Variants in HLF observed in about 807,000 individuals in gnomAD.
HLF encodes the protein hepatic leukemia factor.
A neutral mutation model predicts 22.6 loss-of-function variants in HLF; 3 were observed. The ratio of observed to expected loss-of-function variants is 0.13; its 90% confidence interval spans 0.06 to 0.34. The LOEUF (loss-of-function observed/expected upper bound fraction) is 0.34, where lower values mean the gene tolerates loss of function less well. HLF is among the 10% of genes least tolerant of loss of function. HLF has a pLI of 1.00. For synonymous variants in HLF, 151 were observed against 151.8 expected (o/e 0.99, Z 0.04); for missense variants, 299 against 389.2 (o/e 0.77, Z 1.95).
chr17:55,278,592 C>G (rs1439870329), intron 2 of HLF, among the ~76,000 whole-genome samples: 1 of 152,150 alleles, frequency 6.6e-6, no homozygotes, highest in African/African-American at 2.4e-5. Flanking sequence ...CAATGGGAAT[C>G]AATGCAGCAA....
At chr17:55,309,465 G>C (rs963955) in intron 2 of HLF, among the ~76,000 whole-genome samples, 2 of 151,852 alleles carry the variant, frequency 1.3e-5, no homozygotes, top group African/African-American at 4.8e-5. Context: ...TATCATCATC[G>C]AGGGATGCCA....
chr17:55,267,970 G>T lies in HLF; in HGVS notation c.335G>T (p.Gly112Val), dbSNP rs373604103. 1.1e-5 allele frequency: 18 copies of T among 1,614,006 alleles called. No individual in the cohort carries two copies. The African/African-American group carries it at 2.0e-4, about 18-fold the overall frequency. ...CATGACCACAGCCCTCACCCTCCTG[G>T]GCTGCAGCCAGCTTCCTCGGCTGCC... The part of the protein sequence containing the change: ...SQHDHSPHPP[G>V]LQPASSAAPS... Residue 112 changes from glycine (G) to valine (V), a missense_variant, in exon 2 of 4, where the codon GGG becomes GTG. Coordinates refer to ENST00000226067, the MANE Select transcript of HLF (RefSeq NM_002126.5).
intron 2 of HLF, among the ~76,000 whole-genome samples, chr17:55,309,328 G>A (rs1013890292): frequency 6.6e-6 from 1 of 152,116 alleles, no homozygotes; most frequent in African/African-American, 2.4e-5. Flanking sequence ...TGTATATATC[G>A]TGAGCACTCT....
chr17:55,298,211 C>G (rs9904182), intron 2 of HLF, among the ~76,000 whole-genome samples: 1 of 152,124 alleles, frequency 6.6e-6, no homozygotes. Flanking sequence ...GGGAACTACA[C>G]ACTGATTGGG....
At chr17:55,304,509 C>G (rs1468900985) in intron 2 of HLF, among the ~76,000 whole-genome samples, 1 of 152,196 alleles carries the variant, frequency 6.6e-6, no homozygotes, top group Admixed American at 6.5e-5. Context: ...ACACCATAGG[C>G]AAGGAAGCAT....
intron 2 of HLF, among the ~76,000 whole-genome samples, chr17:55,294,959 A>G (rs542861274): frequency 6.6e-6 from 1 of 152,310 alleles, no homozygotes; most frequent in Admixed American, 6.5e-5. Flanking sequence ...AAGCTCATGG[A>G]TGTTTGTTTT....
intron 2 of HLF, among the ~76,000 whole-genome samples, chr17:55,302,154 G>C (rs770640501): frequency 2.0e-5 from 3 of 152,238 alleles, no homozygotes; most frequent in Non-Finnish European, 2.9e-5. Flanking sequence ...TGCAGGAGAG[G>C]CTGATGGTCT....
chr17:55,315,160 C>A, intron 2 of HLF, 67 bp from the exon 3 acceptor site: 1 of 1,187,466 alleles, frequency 8.4e-7, no homozygotes, highest in South Asian at 1.2e-5. Flanking sequence ...TCTCAGAGCA[C>A]CATTAAGTAG....
intron 2 of HLF, among the ~76,000 whole-genome samples, chr17:55,303,380 A>G (rs1414975368): frequency 1.3e-5 from 2 of 152,184 alleles, no homozygotes; most frequent in Admixed American, 1.3e-4. Context: ...CCCGTTTTCC[A>G]GGTCTTAACC....
intron 2 of HLF, among the ~76,000 whole-genome samples, chr17:55,299,951 G>A (rs913761933): frequency 5.9e-5 from 9 of 152,058 alleles, no homozygotes; most frequent in African/African-American, 2.2e-4. Flanking sequence ...TCCCACCTCA[G>A]TCTCCCAAGT....
intron 2 of HLF, among the ~76,000 whole-genome samples, chr17:55,280,632 A>C (rs975989146): frequency 6.6e-6 from 1 of 151,476 alleles, no homozygotes; most frequent in Non-Finnish European, 1.5e-5. Flanking sequence ...TCTGGGCCAT[A>C]AAGTAGTGAA....
chr17:55,314,855 G>T (rs1229975523), intron 2 of HLF, among the ~76,000 whole-genome samples: 1 of 152,182 alleles, frequency 6.6e-6, no homozygotes, highest in Non-Finnish European at 1.5e-5. Context: ...TTATTGGTCT[G>T]TCTCCCTGAC....
At chr17:55,277,233 T>TTGTGTGTGTG (rs371138892) in intron 2 of HLF, among the ~76,000 whole-genome samples, 1 of 138,954 alleles carries the variant, frequency 7.2e-6, no homozygotes, top group African/African-American at 2.9e-5. Flanking sequence ...GAACCAGATG[T>TTGTGTGTGTG]TATGTGTATG....
At position 55,265,063 on chromosome 17, in the gene HLF, G is replaced by C; in HGVS notation, c.-422G>C. On this transcript the variant is annotated 5_prime_UTR_variant, in exon 1 of 4. Coordinates refer to ENST00000226067, the MANE Select transcript of HLF (RefSeq NM_002126.5). Reference sequence around the variant, plus strand: ...AGCGGCCGCCGGCGCGGGGAGGGGGGTGGGGTGGGACGGCGCACCGCCTCC... The same window carrying C: ...AGCGGCCGCCGGCGCGGGGAGGGGGCTGGGGTGGGACGGCGCACCGCCTCC... The C allele has an allele frequency of 5.9e-6, 1 of 169,820 alleles. No individual in the cohort carries two copies. Among genetic ancestry groups the C allele is most frequent in the East Asian group, 1.0e-4 (1 of 9,832 alleles). The allele number at this position is 169,820 out of a possible 1,614,324, so 10.5% of individuals were successfully genotyped here. A position where few individuals can be genotyped will look rare whatever the true frequency, so the allele number is the denominator to read the frequency against.
intron 2 of HLF, among the ~76,000 whole-genome samples, chr17:55,280,065 A>G (rs959409022): frequency 1.3e-5 from 2 of 152,228 alleles, no homozygotes. Flanking sequence ...AAATGAGATG[A>G]TACATGTACA....
chr17:55,276,512 T>G (rs1389746490), intron 2 of HLF, among the ~76,000 whole-genome samples: 1 of 152,180 alleles, frequency 6.6e-6, no homozygotes, highest in African/African-American at 2.4e-5. Context: ...GGGGCGAGGC[T>G]TCTTGGAAGA....
At position 55,322,560 on chromosome 17, in the gene HLF, C is replaced by T. The variant is rs1905297046; in HGVS notation, c.*1681C>T. 2 of 215,872 alleles carry T rather than the reference C, an allele frequency of 9.3e-6. No homozygotes were observed. Among genetic ancestry groups the T allele is most frequent in the African/African-American group, 4.5e-5 (2 of 44,420 alleles). The allele number at this position is 215,872 out of a possible 1,614,324, so 13.4% of individuals were successfully genotyped here. ...TCTGCTTTAAATTAAAATTTTATGA[C>T]AGTATCGAGGCTTGTGATGACGAAT... On this transcript the variant is annotated 3_prime_UTR_variant, in exon 4 of 4. Transcript: ENST00000226067.
intron 2 of HLF, among the ~76,000 whole-genome samples, chr17:55,270,350 A>G (rs1374314355): frequency 1.3e-5 from 2 of 152,268 alleles, no homozygotes; most frequent in Non-Finnish European, 2.9e-5. Flanking sequence ...TTCAAATACC[A>G]AACTCAGGTA....
rs919821335 is a variant in HLF, at chr17:55,324,526, C to T, written c.*3647C>T. ...ATTAGAGCGATCCCAAGGCATGGGA[C>T]CAGGCCTGCTTGCCTATGTGTGATG... is the stretch of plus-strand genomic sequence containing the variant. On this transcript the variant is annotated 3_prime_UTR_variant, in exon 4 of 4. Coordinates refer to ENST00000226067, the MANE Select transcript of HLF (RefSeq NM_002126.5). The T allele has an allele frequency of 1.3e-5, 3 of 232,188 alleles. No individual in the cohort carries two copies. The highest frequency in any genetic ancestry group is 1.1e-4 in the Admixed American group (2 of 17,750). The allele number at this position is 232,188 out of a possible 1,614,324, so 14.4% of individuals were successfully genotyped here.
Sources: allele counts gnomAD v4.1 joint callset (sites outside exome capture counted in the v4.1 genomes callset), GRCh38; gene constraint gnomAD v4.1.1; transcripts MANE v1.5; gene names NCBI Gene and HGNC (gene_info 2026-07-23, HGNC 2026-07-21).